BCL2: variants seen among roughly 807,000 people sequenced by gnomAD.
The protein encoded by BCL2 is BCL2 apoptosis regulator.
BCL2 carries 1 observed loss-of-function variant against 14.2 expected under a neutral mutation model. The observed-to-expected ratio is 0.07, with a 90% CI of 0.02 to 0.33. BCL2 has a LOEUF of 0.33. Ranked by LOEUF, BCL2 falls within the 10% of genes least tolerant of loss-of-function variation. The pLI, the probability that BCL2 is intolerant of heterozygous loss-of-function variation, is 0.99. For missense variants in BCL2, 247 were observed against 305.9 expected (o/e 0.81, Z 1.44); for synonymous variants, 151 against 137.2 (o/e 1.10, Z -0.70).
At chr18:63,196,016 T>C (rs1909434375) in intron 2 of BCL2, among the ~76,000 whole-genome samples, 1 of 152,226 alleles carries the variant, frequency 6.6e-6, no homozygotes, top group South Asian at 2.1e-4. Flanking sequence ...TTTAACCAGC[T>C]TTTAGGTACA....
At chr18:63,153,421 T>A (rs2144610481) in intron 2 of BCL2, among the ~76,000 whole-genome samples, 1 of 152,330 alleles carries the variant, frequency 6.6e-6, no homozygotes, top group African/African-American at 2.4e-5. Flanking sequence ...CTAGGTACCT[T>A]CTTTATTTAC....
At chr18:63,238,234 C>T (rs1204821188) in intron 2 of BCL2, among the ~76,000 whole-genome samples, 1 of 152,154 alleles carries the variant, frequency 6.6e-6, no homozygotes, top group Non-Finnish European at 1.5e-5. Flanking sequence ...ACCTCACAGG[C>T]GGCTGTCAGA....
chr18:63,210,241 G>A (rs1233439166), intron 2 of BCL2, among the ~76,000 whole-genome samples: 1 of 152,190 alleles, frequency 6.6e-6, no homozygotes. Flanking sequence ...TGGAGAACAG[G>A]CAGTACAAGG....
At chr18:63,319,008 G>GTACACACTGAGTGAAAGCAGGGCA in intron 1 of BCL2, 56 bp from the exon 2 acceptor site, 1 of 1,185,438 alleles carries the variant, frequency 8.4e-7, no homozygotes, top group Non-Finnish European at 1.1e-6. Context: ...GCGTTTCCCT[G>GTACACACTGAGTGAAAGCAGGGCA]TACACACTGA....
intron 2 of BCL2, among the ~76,000 whole-genome samples, chr18:63,219,496 G>A (rs968700720): frequency 9.0e-5 from 12 of 133,074 alleles, no homozygotes; most frequent in African/African-American, 5.8e-5. Flanking sequence ...TCGCTCTGTC[G>A]CCCAGGGTAG....
chr18:63,166,265 T>TGGA (rs760805201), intron 2 of BCL2, among the ~76,000 whole-genome samples: 1 of 152,052 alleles, frequency 6.6e-6, no homozygotes, highest in South Asian at 2.1e-4. Context: ...GGATCCGCTG[T>TGGA]GGAGGAGGAG....
chr18:63,202,491 C>T (rs369728977), intron 2 of BCL2, among the ~76,000 whole-genome samples: 4 of 152,108 alleles, frequency 2.6e-5, no homozygotes, highest in South Asian at 2.1e-4. Flanking sequence ...CTGGACAAGA[C>T]GGTTTGTAAG....
intron 2 of BCL2, among the ~76,000 whole-genome samples, chr18:63,238,983 G>A (rs1298519482): frequency 6.6e-6 from 1 of 152,306 alleles, no homozygotes; most frequent in South Asian, 2.1e-4. Context: ...GGCTAACTGC[G>A]GGAGCCCTGC....
intron 2 of BCL2, among the ~76,000 whole-genome samples, chr18:63,187,300 C>T (rs1389813629): frequency 6.6e-6 from 1 of 152,178 alleles, no homozygotes; most frequent in East Asian, 1.9e-4. Context: ...TATGATAAGG[C>T]TTTAACAAGG....
At chr18:63,255,860 CA>C (rs1009944969) in intron 2 of BCL2, among the ~76,000 whole-genome samples, 134 of 137,110 alleles carry the variant, frequency 9.8e-4, no homozygotes, top group East Asian at 1.3e-3. Flanking sequence ...CATTTCTTAC[CA>C]AAAAAAAAAA....
rs114135507 is a variant in BCL2 at position 63,180,794 on chromosome 18, C to A, written c.586-52035G>T. Reference sequence around the variant, plus strand: ...TTAGCCCTCCAGCTCCCGGGCCTCTCAGGGCTCCTACGGTAGCTGCTCCTA... The same window carrying A: ...TTAGCCCTCCAGCTCCCGGGCCTCTAAGGGCTCCTACGGTAGCTGCTCCTA... On this transcript the variant is annotated intron_variant, in intron 2 of 2. Coordinates refer to ENST00000333681, the MANE Select transcript of BCL2 (RefSeq NM_000633.3). Among the ~76,000 whole-genome samples, 1,408 of 152,330 alleles carry A rather than the reference C, an allele frequency of 9.2e-3. 20 individuals are homozygous for A. Among genetic ancestry groups the A allele is most frequent in the African/African-American group, 0.031 (1,308 of 41,568 alleles).
chr18:63,201,225 T>C (rs1366218773), intron 2 of BCL2, among the ~76,000 whole-genome samples: 3 of 152,200 alleles, frequency 2.0e-5, no homozygotes, highest in South Asian at 4.1e-4. Flanking sequence ...TAACAAACCA[T>C]TGTGAGAAAA....
chr18:63,269,656 A>C (rs769630740), intron 2 of BCL2, among the ~76,000 whole-genome samples: 11 of 152,232 alleles, frequency 7.2e-5, no homozygotes, highest in Non-Finnish European at 1.6e-4. Context: ...AACATACATC[A>C]GAGTTTAATT....
At chr18:63,199,318 C>T (rs1334210673) in intron 2 of BCL2, among the ~76,000 whole-genome samples, 4 of 147,310 alleles carry the variant, frequency 2.7e-5, no homozygotes, top group Admixed American at 6.7e-5. Context: ...ACATATACTA[C>T]ACAACATGCA....
At chr18:63,277,400 A>G (rs1026963068) in intron 2 of BCL2, among the ~76,000 whole-genome samples, 2 of 152,068 alleles carry the variant, frequency 1.3e-5, no homozygotes, top group African/African-American at 4.8e-5. Flanking sequence ...TGGGAGACCA[A>G]GGAAGGAAAA....
chr18:63,141,828 A>AT (rs745752901), intron 2 of BCL2, among the ~76,000 whole-genome samples: 1 of 152,200 alleles, frequency 6.6e-6, no homozygotes, highest in Non-Finnish European at 1.5e-5. Flanking sequence ...ACAGGCAAAT[A>AT]TGCTCTACTT....
intron 2 of BCL2, chr18:63,207,608 G>GTCT (rs3833192): frequency 3.3e-5 from 5 of 150,850 alleles, no homozygotes; most frequent in African/African-American, 4.9e-5. Context: ...GAGCACCAGA[G>GTCT]GTCTGGGTGG....
At chr18:63,142,622 G>A (rs931949492) in intron 2 of BCL2, among the ~76,000 whole-genome samples, 1 of 152,194 alleles carries the variant, frequency 6.6e-6, no homozygotes, top group Non-Finnish European at 1.5e-5. Context: ...GACCGTCAAA[G>A]TGACTGCGAT....
intron 2 of BCL2, among the ~76,000 whole-genome samples, chr18:63,234,196 A>G (rs1910761356): frequency 6.6e-6 from 1 of 152,154 alleles, no homozygotes; most frequent in Admixed American, 6.5e-5. Context: ...TCACCTAGGT[A>G]TTAAGCTCCG....
Sources: allele counts gnomAD v4.1 joint callset (sites outside exome capture counted in the v4.1 genomes callset), GRCh38; gene constraint gnomAD v4.1.1; transcripts MANE v1.5; gene names NCBI Gene and HGNC (gene_info 2026-07-23, HGNC 2026-07-21).